The following POLA2 variants were observed in gnomAD, a reference collection of about 807,000 sequenced individuals.
The protein encoded by POLA2 is DNA polymerase alpha subunit B.
In POLA2, 47 loss-of-function variants were observed where a neutral mutation model predicts 82.8. The observed-to-expected ratio is 0.57, with a 90% CI of 0.45 to 0.72. The LOEUF (loss-of-function observed/expected upper bound fraction) is 0.72. Ranked by LOEUF, POLA2 falls within the 30% of genes least tolerant of loss-of-function variation. The pLI is 0.00. For missense variants in POLA2, 634 were observed against 728.1 expected (o/e 0.87, Z 1.49); for synonymous variants, 287 against 286.8 (o/e 1.00, Z -0.01).
intron 1 of POLA2, among the ~76,000 whole-genome samples, chr11:65,262,756 G>A (rs1949413007): frequency 6.6e-6 from 1 of 152,104 alleles, no homozygotes; most frequent in Non-Finnish European, 1.5e-5. Context: ...TTTATTCTTG[G>A]CTCCTCCCTT....
rs141608215 is a variant in POLA2 at position 65,281,726 on chromosome 11, C to T, written c.957C>T (p.Leu319=). The change falls in exon 9 of 18, where the codon CTC becomes CTT. Residue 319 remains leucine, a synonymous_variant. Transcript: ENST00000265465. ...TTGRKLVATK[L]YEGVPLPFYQ... ...GTAGGAAACTTGTTGCCACCAAACT[C>T]TACGAGGTACACAGCAGTACCCCCA... 1,320 of 1,613,200 alleles carry T rather than the reference C, an allele frequency of 8.2e-4. 3 individuals carry two copies. Among genetic ancestry groups the T allele is most frequent in the Non-Finnish European group, 9.6e-4 (1,134 of 1,179,116 alleles).
chr11:65,301,272 G>A (rs1949857966), downstream of POLA2, among the ~76,000 whole-genome samples: 1 of 152,178 alleles, frequency 6.6e-6, no homozygotes, highest in African/African-American at 2.4e-5. Context: ...GTCTTGCTAA[G>A]GCATTTGGAC....
At chr11:65,285,291 G>C (rs747117573) in intron 10 of POLA2, among the ~76,000 whole-genome samples, 43 of 152,044 alleles carry the variant, frequency 2.8e-4, no homozygotes, top group Non-Finnish European at 5.3e-4. Flanking sequence ...TATAATCCCA[G>C]TTACTCAGGA....
chr11:65,267,311 C>T (rs1361279123), intron 2 of POLA2, among the ~76,000 whole-genome samples, 166 bp from the exon 3 acceptor site: 1 of 152,172 alleles, frequency 6.6e-6, no homozygotes, highest in African/African-American at 2.4e-5. Context: ...ATGTTATAGA[C>T]AGTCATGGGA....
At position 65,288,079 on chromosome 11, in the gene POLA2, G is replaced by A. The variant is rs59646878; in HGVS notation, c.1131+239G>A. ...CTAACACTTTGGGAGGCCGAGATGTGTGGATCACTTGAGGGCAGGAGTTCT... is the reference window on the plus strand; with the variant it reads ...CTAACACTTTGGGAGGCCGAGATGTATGGATCACTTGAGGGCAGGAGTTCT... On this transcript the variant is annotated intron_variant, in intron 11 of 17. Transcript: ENST00000265465. Among the ~76,000 whole-genome samples, 1,069 of 152,270 alleles carry A rather than the reference G, an allele frequency of 7.0e-3. 12 individuals carry two copies. The highest frequency in any genetic ancestry group is 0.025 in the African/African-American group (1,025 of 41,546).
At chr11:65,295,495 G>T in intron 15 of POLA2, 45 bp from the exon 16 acceptor site, 2 of 1,523,308 alleles carry the variant, frequency 1.3e-6, no homozygotes, top group African/African-American at 1.4e-5. Context: ...AGAGAAATGG[G>T]CTGAAAAACA....
intron 10 of POLA2, among the ~76,000 whole-genome samples, chr11:65,286,522 A>C (rs1208869635): frequency 6.6e-6 from 1 of 151,928 alleles, no homozygotes; most frequent in Non-Finnish European, 1.5e-5. Flanking sequence ...CTAGAACTAT[A>C]GGCTCAGGAG....
chr11:65,286,462 C>T (rs1949698358), intron 10 of POLA2, among the ~76,000 whole-genome samples: 1 of 151,446 alleles, frequency 6.6e-6, no homozygotes. Context: ...GATCACAGCT[C>T]ACTGCAGCCT....
chr11:65,282,360 C>T (rs560293906), intron 9 of POLA2, 119 bp from the exon 10 acceptor site: 2 of 788,864 alleles, frequency 2.5e-6, no homozygotes, highest in East Asian at 4.9e-5. Context: ...TGCCCTCTCG[C>T]TCCTCCCCAC....
intron 4 of POLA2, among the ~76,000 whole-genome samples, chr11:65,269,959 G>A (rs1225987738): frequency 6.6e-6 from 1 of 152,192 alleles, no homozygotes; most frequent in East Asian, 1.9e-4. Context: ...AGCCTCCTGA[G>A]TAGCTGGGAT....
chr11:65,302,768 G>A (rs187070344), downstream of POLA2, among the ~76,000 whole-genome samples: 3 of 151,432 alleles, frequency 2.0e-5, no homozygotes, highest in East Asian at 2.0e-4. Context: ...TCACTCTGTC[G>A]CCCAGTCTAA....
At chr11:65,279,004 G>T (rs534783788) in intron 6 of POLA2, 81 bp downstream of exon 6, 3 of 1,282,356 alleles carry the variant, frequency 2.3e-6, no homozygotes, top group African/African-American at 3.0e-5. Context: ...CAGCTAGGCT[G>T]GTAGAACAAG....
rs142933430 is a variant in POLA2, at chr11:65,278,865, A to G, written c.597A>G (p.Pro199=). 6.4e-4 allele frequency: 1,026 copies of G among 1,613,858 alleles called. 4 individuals are homozygous for G. The African/African-American group carries it at 9.3e-3, about 15-fold the overall frequency. ...GNISLKVLGC[P]EALTGSYKSM... ...TCAGCCTGAAGGTCTTGGGATGTCC[A>G]GAGGCACTAACTGGGAGCTACAAAT... The change falls in exon 6 of 18, where the codon CCA becomes CCG. Residue 199 remains proline (P), a synonymous_variant. Transcript: ENST00000265465.
In POLA2 at chr11:65,285,467, C is replaced by T. The variant is rs998200822; in HGVS notation, c.1007-2249C>T. On this transcript the variant is annotated intron_variant, in intron 10 of 17. Transcript: ENST00000265465. Reference sequence around the variant, plus strand: ...CCTATAGTCCCAGCAACCTGGAAGGCTAAGGTGGGAGGATCACTCTCCTGA... The same window carrying T: ...CCTATAGTCCCAGCAACCTGGAAGGTTAAGGTGGGAGGATCACTCTCCTGA... Among the ~76,000 whole-genome samples, 4 of 150,348 alleles carry T rather than the reference C, an allele frequency of 2.7e-5. No individual in the cohort carries two copies. In the East Asian group the frequency reaches 7.8e-4, roughly 29 times the overall value.
chr11:65,281,191 C>A (rs1266487897), intron 8 of POLA2, 44 bp downstream of exon 8: 2 of 1,592,078 alleles, frequency 1.3e-6, no homozygotes, highest in East Asian at 4.5e-5. Context: ...GCACTCTTTA[C>A]CCCTGTAGTG....
chr11:65,269,037 G>A (rs1378366066), intron 4 of POLA2, among the ~76,000 whole-genome samples: 1 of 152,122 alleles, frequency 6.6e-6, no homozygotes, highest in Non-Finnish European at 1.5e-5. Context: ...TTCTGTGTTG[G>A]ATCCCAGTGT....
At chr11:65,303,247 C>T (rs996403011), downstream of POLA2, among the ~76,000 whole-genome samples, 1 of 150,354 alleles carries the variant, frequency 6.7e-6, no homozygotes, top group East Asian at 2.0e-4. Context: ...GAGGCTGAGT[C>T]AGGAGAATGG....
rs752988896 is a variant in POLA2, at chr11:65,295,990, G to A, written c.1647G>A (p.Lys549=). ...IIPSELRYFV[K]DVLGCVCVNP... ...CGTCAGAGCTGAGGTACTTCGTGAA[G>A]GTAGGTTTGAACTCTGCTTTTTCCC... Residue 549 remains lysine, a splice_region_variant and synonymous_variant, in exon 17 of 18, where the codon AAG becomes AAA. Coordinates refer to ENST00000265465, the MANE Select transcript of POLA2 (RefSeq NM_002689.4). The A allele has an allele frequency of 4.0e-5, 64 of 1,614,028 alleles. 1 individual carries two copies. In the South Asian group the frequency reaches 6.8e-4, roughly 17 times the overall value.
At chr11:65,303,298 C>G (rs1280808132), downstream of POLA2, among the ~76,000 whole-genome samples, 1 of 148,040 alleles carries the variant, frequency 6.8e-6, no homozygotes, top group Non-Finnish European at 1.5e-5. Context: ...GCGGAGATCG[C>G]ACCACTGCAC....
Sources: gnomAD v4.1 joint callset for allele counts (sites outside exome capture counted in the v4.1 genomes callset) on GRCh38, gnomAD v4.1.1 for gene constraint, MANE v1.5 for transcripts, NCBI Gene and HGNC (gene_info 2026-07-23, HGNC 2026-07-21) for gene names.